Variants in PCMT1 observed in about 807,000 individuals in gnomAD.
PCMT1 encodes the protein protein-L-isoaspartate (D-aspartate) O-methyltransferase.
A neutral mutation model predicts 29.2 loss-of-function variants in PCMT1; 9 were observed. The observed-to-expected ratio is 0.31, with a 90% CI of 0.19 to 0.54. The LOEUF (loss-of-function observed/expected upper bound fraction) is 0.54. PCMT1 is among the 20% of genes least tolerant of loss of function. PCMT1 has a pLI of 0.95. For synonymous variants in PCMT1, 98 were observed against 97.5 expected, an observed-to-expected ratio of 1.00 and a Z score of -0.03; for missense variants, 184 against 282.2, an observed-to-expected ratio of 0.65 and a Z score of 2.49.
intron 4 of PCMT1, among the ~76,000 whole-genome samples, chr6:149,792,552 A>G (rs913459661): frequency 6.6e-6 from 1 of 152,030 alleles, no homozygotes; most frequent in African/African-American, 2.4e-5. Context: ...TCAGTCTGTC[A>G]TCCAGGCTGG....
intron 7 of PCMT1, among the ~76,000 whole-genome samples, chr6:149,805,468 C>T (rs1775983057): frequency 6.6e-6 from 1 of 151,658 alleles, no homozygotes. Flanking sequence ...GTGGCAGGTA[C>T]CTCTAGTCCC....
At chr6:149,787,848 T>C (rs1788189627) in intron 3 of PCMT1, among the ~76,000 whole-genome samples, 2 of 150,480 alleles carry the variant, frequency 1.3e-5, no homozygotes, top group South Asian at 2.1e-4. Context: ...TGTGTGTATG[T>C]GTGTGTATTA....
intron 1 of PCMT1, 120 bp from the exon 2 acceptor site, chr6:149,771,042 C>A: frequency 1.9e-6 from 1 of 538,844 alleles, no homozygotes; most frequent in Non-Finnish European, 3.2e-6. Flanking sequence ...TGGGCCATTA[C>A]AACAACTTCC....
Position 149,790,491 on chromosome 6 carries a change from A to G in PCMT1, c.297+433A>G, listed in dbSNP as rs554624731. On this transcript the variant is annotated intron_variant, in intron 4 of 7. Coordinates refer to ENST00000464889, the MANE Select transcript of PCMT1 (RefSeq NM_001360452.2). ...TCCAAGTTCTGATTTGGCAGAAAAG[A>G]ATAGAATAAGCCTGGTTTTCTTTTC... Among the ~76,000 whole-genome samples the G allele has an allele frequency of 2.0e-5, 3 of 151,826 alleles. No homozygotes were observed. In the South Asian group the frequency reaches 6.3e-4, roughly 32 times the overall value.
At chr6:149,783,816 A>G (rs1250294062) in intron 3 of PCMT1, among the ~76,000 whole-genome samples, 2 of 152,154 alleles carry the variant, frequency 1.3e-5, no homozygotes, top group Admixed American at 6.5e-5. Flanking sequence ...CTGCCTCCCA[A>G]GGAGCTGGGA....
chr6:149,794,572 C>T (rs111789553), intron 5 of PCMT1, among the ~76,000 whole-genome samples: 4 of 152,024 alleles, frequency 2.6e-5, no homozygotes, highest in African/African-American at 9.7e-5. Flanking sequence ...AAGCTGAGAT[C>T]GCACCACTGA....
intron 1 of PCMT1, among the ~76,000 whole-genome samples, chr6:149,760,024 A>T (rs535891303): frequency 1.3e-5 from 2 of 152,288 alleles, no homozygotes; most frequent in South Asian, 4.1e-4. Flanking sequence ...GAAACTTACG[A>T]GTAACATACC....
intron 5 of PCMT1, chr6:149,795,449 C>A: frequency 2.5e-6 from 1 of 400,500 alleles, no homozygotes; most frequent in Non-Finnish European, 4.8e-6. Context: ...AACATAAGAA[C>A]AAATAGCACC....
intron 1 of PCMT1, among the ~76,000 whole-genome samples, chr6:149,751,753 T>C (rs1003698610): frequency 2.0e-5 from 3 of 152,136 alleles, no homozygotes; most frequent in Non-Finnish European, 4.4e-5. Context: ...GTGCTGGGAT[T>C]ATAGGCGTGA....
intron 1 of PCMT1, among the ~76,000 whole-genome samples, chr6:149,756,455 T>A (rs1786507004): frequency 6.9e-6 from 1 of 144,578 alleles, no homozygotes; most frequent in Admixed American, 7.1e-5. Context: ...TTCAAGCGAC[T>A]CCTCCATCTC....
intron 5 of PCMT1, chr6:149,794,903 G>A (rs951821465): frequency 1.9e-5 from 9 of 470,522 alleles, no homozygotes; most frequent in South Asian, 3.1e-5. Context: ...TATTAGAAAC[G>A]TTTCTTCTCT....
chr6:149,789,772 T>A (rs1377374143), intron 3 of PCMT1, among the ~76,000 whole-genome samples, 182 bp from the exon 4 acceptor site: 2 of 152,138 alleles, frequency 1.3e-5, no homozygotes, highest in African/African-American at 4.8e-5. Context: ...AAACACATGA[T>A]CTGAATGTAA....
At chr6:149,794,302 C>T (rs914176564) in intron 5 of PCMT1, among the ~76,000 whole-genome samples, 2 of 152,106 alleles carry the variant, frequency 1.3e-5, no homozygotes, top group African/African-American at 4.8e-5. Flanking sequence ...TTGTATTCCC[C>T]AGACACACTC....
chr6:149,750,620 CAGGAGCCTTTGCAGGTCCTGGATCAGCAG>C (rs1240587552), intron 1 of PCMT1, among the ~76,000 whole-genome samples: 18 of 152,162 alleles, frequency 1.2e-4, no homozygotes, highest in Admixed American at 1.2e-3. Context: ...ACTTGTATTT[CAGGAGCCTTTGCAGGTCCTGGATCAGCAG>C]AGGGTTGTGT....
At chr6:149,764,635 G>GT (rs1301967963) in intron 1 of PCMT1, among the ~76,000 whole-genome samples, 4 of 152,124 alleles carry the variant, frequency 2.6e-5, no homozygotes, top group African/African-American at 9.7e-5. Flanking sequence ...AGGTGTTGGG[G>GT]TGGCTAAGGC....
At chr6:149,790,375 T>A (rs572760499) in intron 4 of PCMT1, among the ~76,000 whole-genome samples, 2 of 152,320 alleles carry the variant, frequency 1.3e-5, no homozygotes, top group South Asian at 4.1e-4. Context: ...TTGATTTGGC[T>A]TTACTTTCCT....
intron 3 of PCMT1, among the ~76,000 whole-genome samples, chr6:149,775,111 CT>C (rs1787505921): frequency 6.6e-6 from 1 of 152,160 alleles, no homozygotes; most frequent in African/African-American, 2.4e-5. Context: ...TCCCAAAATG[CT>C]GGGATTATAG....
chr6:149,760,933 G>A (rs917220457), intron 1 of PCMT1, among the ~76,000 whole-genome samples: 1 of 152,206 alleles, frequency 6.6e-6, no homozygotes, highest in East Asian at 1.9e-4. Context: ...GAACTTAATT[G>A]TAAGAGTTCA....
intron 3 of PCMT1, among the ~76,000 whole-genome samples, chr6:149,775,600 A>G (rs867239229): frequency 1.2e-4 from 19 of 152,138 alleles, no homozygotes; most frequent in Middle Eastern, 6.8e-3. Flanking sequence ...CCCAGCTACA[A>G]GGGAGGCCAA....
Sources: gnomAD v4.1 joint callset for allele counts (sites outside exome capture counted in the v4.1 genomes callset) on GRCh38, gnomAD v4.1.1 for gene constraint, MANE v1.5 for transcripts, NCBI Gene and HGNC (gene_info 2026-07-23, HGNC 2026-07-21) for gene names.